Variants in JAK1 observed in about 807,000 individuals in gnomAD.
The protein encoded by JAK1 is tyrosine-protein kinase JAK1.
In JAK1, 16 loss-of-function variants were observed where a neutral mutation model predicts 136.6. That is an observed-to-expected ratio of 0.12 (90% CI 0.08 to 0.18). JAK1 has a LOEUF of 0.18. Among genes scored for constraint, JAK1 ranks in the 10% least tolerant of loss-of-function variants. The pLI, the probability that JAK1 is intolerant of heterozygous loss-of-function variation, is 1.00. For synonymous variants in JAK1, 492 were observed against 519.5 expected (o/e 0.95, Z 0.72); for missense variants, 859 against 1,450.1 (o/e 0.59, Z 6.62).
intron 4 of JAK1, among the ~76,000 whole-genome samples, chr1:64,873,790 G>A (rs1236117405): frequency 1.3e-5 from 2 of 152,152 alleles, no homozygotes; most frequent in African/African-American, 4.8e-5. Context: ...TTCTCACTAT[G>A]CTTCCAGAAT....
At chr1:64,966,599 T>G (rs1569775555), upstream of JAK1, 2 of 64,742 alleles carry the variant, frequency 3.1e-5, no homozygotes, top group South Asian at 4.9e-4. Flanking sequence ...CCCACCCCCG[T>G]GGCCGCCGGG....
chr1:64,998,719 C>G (rs1569852566), intron 2 of JAK1, among the ~76,000 whole-genome samples: 1 of 152,144 alleles, frequency 6.6e-6, no homozygotes, highest in African/African-American at 2.4e-5. Context: ...CTCAGGAGAT[C>G]TGATGGTTTT....
intron 1 of JAK1, among the ~76,000 whole-genome samples, chr1:65,064,253 T>C (rs1230373741): frequency 6.6e-6 from 1 of 152,230 alleles, no homozygotes; most frequent in Non-Finnish European, 1.5e-5. Context: ...AAATTTAAAA[T>C]TGAGCTCTTC....
intron 2 of JAK1, among the ~76,000 whole-genome samples, chr1:64,982,124 G>GCACA (rs201571086): frequency 8.8e-6 from 1 of 113,140 alleles, no homozygotes; most frequent in Non-Finnish European, 1.9e-5. Flanking sequence ...GCACACACAC[G>GCACA]CACACACACA....
At chr1:64,960,612 T>C (rs1049474914) in intron 1 of JAK1, among the ~76,000 whole-genome samples, 3 of 152,222 alleles carry the variant, frequency 2.0e-5, no homozygotes, top group Non-Finnish European at 2.9e-5. Context: ...ACAGTCAACC[T>C]TCTCTCGCAG....
intron 1 of JAK1, among the ~76,000 whole-genome samples, chr1:64,896,478 T>C (rs2101416301): frequency 6.6e-6 from 1 of 152,330 alleles, no homozygotes; most frequent in Non-Finnish European, 1.5e-5. Flanking sequence ...CAAGACTACT[T>C]AGCAATTAGT....
At chr1:64,901,643 TA>T (rs1216630325) in intron 1 of JAK1, among the ~76,000 whole-genome samples, 1 of 152,224 alleles carries the variant, frequency 6.6e-6, no homozygotes, top group Non-Finnish European at 1.5e-5. Context: ...TACTTATAAT[TA>T]TAATGCCCTA....
rs938236753 is a variant in JAK1 at position 64,847,525 on chromosome 1, C to T, written c.1899+7G>A. The T allele has an allele frequency of 6.2e-7, 1 of 1,613,936 alleles. No individual in the cohort carries two copies. The highest frequency in any genetic ancestry group is 8.5e-7 in the Non-Finnish European group (1 of 1,179,954). ...GGGAGGGGAGGAGTTCAGAGGAAGA[C>T]ACTTGCCAGGGAAATATCCCTGTGG... is the stretch of plus-strand genomic sequence containing the variant. On this transcript the variant is annotated splice_region_variant and intron_variant, in intron 13 of 24. Coordinates refer to ENST00000342505, the MANE Select transcript of JAK1 (RefSeq NM_002227.4).
At chr1:65,006,775 C>A (rs1300790048) in intron 2 of JAK1, among the ~76,000 whole-genome samples, 1 of 152,032 alleles carries the variant, frequency 6.6e-6, no homozygotes, top group Non-Finnish European at 1.5e-5. Context: ...CTGAATTACG[C>A]CTTGTATATA....
At chr1:64,837,830 A>C in intron 22 of JAK1, 102 bp downstream of exon 22, 1 of 938,876 alleles carries the variant, frequency 1.1e-6, no homozygotes, top group East Asian at 2.5e-5. Context: ...ACCTTGAGTC[A>C]GGCCAGAGGA....
intron 1 of JAK1, among the ~76,000 whole-genome samples, chr1:64,901,363 C>G (rs1284662582): frequency 2.0e-5 from 3 of 152,144 alleles, no homozygotes; most frequent in Non-Finnish European, 4.4e-5. Flanking sequence ...TATTTAACTT[C>G]TTATTTTCTA....
intron 1 of JAK1, among the ~76,000 whole-genome samples, chr1:64,921,218 G>A (rs1645488840): frequency 6.6e-6 from 1 of 152,018 alleles, no homozygotes; most frequent in Non-Finnish European, 1.5e-5. Flanking sequence ...CCTTTAATAA[G>A]TGTAGCATAT....
At chr1:65,035,660 T>C (rs541763344) in intron 2 of JAK1, among the ~76,000 whole-genome samples, 16 of 152,224 alleles carry the variant, frequency 1.1e-4, no homozygotes, top group African/African-American at 2.7e-4. Context: ...ATATTTTCTA[T>C]AGACACTTGG....
chr1:64,931,036 A>G (rs1302184657), intron 1 of JAK1, among the ~76,000 whole-genome samples: 1 of 152,170 alleles, frequency 6.6e-6, no homozygotes, highest in East Asian at 1.9e-4. Flanking sequence ...ATTAGGAGAA[A>G]TACCTAATGT....
intron 4 of JAK1, among the ~76,000 whole-genome samples, chr1:64,877,647 G>A (rs1258530818): frequency 6.6e-6 from 1 of 152,072 alleles, no homozygotes; most frequent in Non-Finnish European, 1.5e-5. Context: ...GTTGAATTAG[G>A]TAACTTTGGT....
chr1:65,002,188 T>G (rs41285422), intron 2 of JAK1: 9,880 of 152,326 alleles, frequency 0.065, 390 homozygotes, highest in South Asian at 0.1. Flanking sequence ...TACGTATGTG[T>G]ATATATGCAC....
At chr1:64,998,600 C>T (rs1646724857) in intron 2 of JAK1, among the ~76,000 whole-genome samples, 1 of 152,140 alleles carries the variant, frequency 6.6e-6, no homozygotes, top group South Asian at 2.1e-4. Context: ...TTGGCTGTGT[C>T]CCCACCCAAA....
intron 1 of JAK1, among the ~76,000 whole-genome samples, chr1:65,066,975 G>A (rs1648079546): frequency 6.6e-6 from 1 of 152,136 alleles, no homozygotes; most frequent in Admixed American, 6.5e-5. Context: ...GGCGCCCGGG[G>A]CTCCCCGCGT....
rs536069615 is a variant in JAK1, at chr1:64,864,550, G to A, written c.1176+237C>T. 9.3e-4 allele frequency among the ~76,000 whole-genome samples: 141 copies of A among 152,348 alleles called. 1 individual carries two copies. Among genetic ancestry groups the A allele is most frequent in the African/African-American group, 3.3e-3 (137 of 41,584 alleles). ...TTGATGCTGAGGTGTATTTGGGAGGGAAGCAAATCCTAAGGCAGATTCACA... is the reference window on the plus strand; with the variant it reads ...TTGATGCTGAGGTGTATTTGGGAGGAAAGCAAATCCTAAGGCAGATTCACA... On this transcript the variant is annotated intron_variant, in intron 8 of 24. Coordinates refer to ENST00000342505, the MANE Select transcript of JAK1 (RefSeq NM_002227.4).
Sources: gnomAD v4.1 joint callset for allele counts (sites outside exome capture counted in the v4.1 genomes callset) on GRCh38, gnomAD v4.1.1 for gene constraint, MANE v1.5 for transcripts, NCBI Gene and HGNC (gene_info 2026-07-23, HGNC 2026-07-21) for gene names.